The following DSE variants were observed in gnomAD, a reference collection of about 807,000 sequenced individuals.
DSE encodes the protein dermatan-sulfate epimerase.
In DSE, 36 loss-of-function variants were observed where a neutral mutation model predicts 84.4. The ratio of observed to expected loss-of-function variants is 0.43; its 90% CI spans 0.33 to 0.56. DSE has a LOEUF of 0.56. Ranked by LOEUF, DSE falls within the 20% of genes least tolerant of loss-of-function variation. DSE has a pLI of 0.06. For missense variants in DSE, 862 were observed against 1,169.6 expected (o/e 0.74, Z 3.84); for synonymous variants, 410 against 430.1 (o/e 0.95, Z 0.58).
At chr6:116,275,068 T>G (rs1325484771) in intron 2 of DSE, among the ~76,000 whole-genome samples, 1 of 152,228 alleles carries the variant, frequency 6.6e-6, no homozygotes, top group Non-Finnish European at 1.5e-5. Context: ...TTGAGATATT[T>G]TAACATTTTT....
chr6:116,282,177 C>T (rs779020960), intron 2 of DSE, among the ~76,000 whole-genome samples: 26 of 152,166 alleles, frequency 1.7e-4, no homozygotes, highest in Admixed American at 3.9e-4. Flanking sequence ...TAATGCATTT[C>T]TCTCTACAAG....
At chr6:116,329,809 A>G (rs1776830261) in intron 2 of DSE, among the ~76,000 whole-genome samples, 1 of 152,174 alleles carries the variant, frequency 6.6e-6, no homozygotes, top group South Asian at 2.1e-4. Context: ...GCAAACCAGT[A>G]TATAGGTATA....
At chr6:116,274,381 G>T (rs2114620693) in intron 2 of DSE, among the ~76,000 whole-genome samples, 1 of 152,002 alleles carries the variant, frequency 6.6e-6, no homozygotes, top group South Asian at 2.1e-4. Context: ...GACCAACATG[G>T]AGAAACCCCA....
intron 5 of DSE, 54 bp from the exon 6 acceptor site, chr6:116,435,533 G>T: frequency 6.6e-7 from 1 of 1,507,240 alleles, no homozygotes; most frequent in Non-Finnish European, 8.9e-7. Context: ...ACCATGTTAT[G>T]TGTTATTTTC....
chr6:116,417,084 G>A (rs1028446850), intron 2 of DSE, among the ~76,000 whole-genome samples: 6 of 152,104 alleles, frequency 3.9e-5, no homozygotes, highest in African/African-American at 9.7e-5. Context: ...ATTTTTAACC[G>A]TAGTCTTTAA....
At chr6:116,279,975 T>C in intron 2 of DSE, 1 of 1,179,328 alleles carries the variant, frequency 8.5e-7, no homozygotes, top group Non-Finnish European at 1.2e-6. Context: ...TCTCACGGTA[T>C]CGCGAGAACT....
At chr6:116,276,690 C>A (rs1280506753) in intron 2 of DSE, 2 of 152,104 alleles carry the variant, frequency 1.3e-5, no homozygotes, top group Admixed American at 6.5e-5. Flanking sequence ...TTCATTCAAG[C>A]ATTACATTTA....
Position 116,438,939 on chromosome 6 carries a change from A to G in DSE, c.*1594A>G, listed in dbSNP as rs939921844. 1 of 152,200 alleles carries G rather than the reference A, an allele frequency of 6.6e-6. No homozygotes were observed. The highest frequency in any genetic ancestry group is 2.4e-5 in the African/African-American group (1 of 41,452). The allele number at this position is 152,200 out of a possible 1,614,324, so 9.4% of individuals were successfully genotyped here. On this transcript the variant is annotated 3_prime_UTR_variant, in exon 6 of 6. Transcript: ENST00000644252. The stretch of plus-strand genomic sequence containing the variant: ...TCTAGAAAACGACTTCTGAGGAAGT[A>G]ATTTTTTTCCCCTCTCATGGAAAGT...
rs1783814732 is a variant in DSE, at chr6:116,431,194, G to T, written c.910+1G>T. 6.2e-7 allele frequency: 1 copy of T among 1,613,798 alleles called. No individual in the cohort carries two copies. The highest frequency in any genetic ancestry group is 1.1e-5 in the South Asian group (1 of 91,022). ...TTTATGTATAGAACCATCCTGCCAG[G>T]TATAGTGAGGAGTCAGAAGTGTGAA... On this transcript the variant is annotated splice_donor_variant, in intron 4 of 5. Transcript: ENST00000644252. LOFTEE classifies it high-confidence loss of function.
At chr6:116,303,645 C>T (rs959568609) in intron 2 of DSE, among the ~76,000 whole-genome samples, 6 of 151,596 alleles carry the variant, frequency 4.0e-5, no homozygotes, top group African/African-American at 1.2e-4. Context: ...AGACAGGTGA[C>T]GATAGGGGTA....
At chr6:116,336,427 G>C (rs1028212111) in intron 2 of DSE, among the ~76,000 whole-genome samples, 3 of 152,182 alleles carry the variant, frequency 2.0e-5, no homozygotes, top group African/African-American at 7.2e-5. Flanking sequence ...CTACCTGAGT[G>C]ATACATGGTC....
chr6:116,276,591 T>C (rs1220121137), intron 2 of DSE: 1 of 152,080 alleles, frequency 6.6e-6, no homozygotes, highest in Non-Finnish European at 1.5e-5. Context: ...TTTTAATCCA[T>C]TAAGAACTTT....
intron 1 of DSE, among the ~76,000 whole-genome samples, chr6:116,384,037 T>G (rs1372334937): frequency 1.3e-5 from 2 of 152,222 alleles, no homozygotes; most frequent in African/African-American, 4.8e-5. Flanking sequence ...ACAGAAAGAT[T>G]GTTTAAATTT....
At chr6:116,321,442 G>T (rs1002369853) in intron 2 of DSE, among the ~76,000 whole-genome samples, 1 of 150,308 alleles carries the variant, frequency 6.7e-6, no homozygotes, top group Non-Finnish European at 1.5e-5. Flanking sequence ...CCAAAGCACC[G>T]AGATTTGACA....
At chr6:116,400,920 A>G (rs1781550387) in intron 2 of DSE, 1 of 152,172 alleles carries the variant, frequency 6.6e-6, no homozygotes, top group Non-Finnish European at 1.5e-5. Flanking sequence ...TTAGTTTAAA[A>G]TAGCAACCAT....
chr6:116,332,449 A>G (rs533939589), intron 2 of DSE, among the ~76,000 whole-genome samples: 2 of 152,174 alleles, frequency 1.3e-5, no homozygotes, highest in South Asian at 4.1e-4. Context: ...AATATGAAAA[A>G]AAAATTAAGA....
upstream of DSE, among the ~76,000 whole-genome samples, chr6:116,365,498 CCA>C: frequency 6.6e-6 from 1 of 152,094 alleles, no homozygotes; most frequent in Admixed American, 6.5e-5. Context: ...CGTGATCTGC[CCA>C]TCTCGGCCTC....
intron 2 of DSE, chr6:116,279,410 C>T: frequency 1.9e-6 from 3 of 1,613,350 alleles, no homozygotes; most frequent in Non-Finnish European, 2.5e-6. Context: ...AGCTCAGACG[C>T]GGATCTCTGG....
chr6:116,279,563 C>A (rs980075265), intron 2 of DSE: 2 of 1,603,110 alleles, frequency 1.2e-6, no homozygotes, highest in Non-Finnish European at 8.5e-7. Flanking sequence ...GCCACATGAC[C>A]GCGACCCCCA....
Sources: allele counts gnomAD v4.1 joint callset (sites outside exome capture counted in the v4.1 genomes callset), GRCh38; gene constraint gnomAD v4.1.1; transcripts MANE v1.5; gene names NCBI Gene and HGNC (gene_info 2026-07-23, HGNC 2026-07-21).